Variants in ASCC3 observed in about 807,000 individuals in gnomAD.
The protein encoded by ASCC3 is ASC-1 complex subunit P200.
A neutral mutation model predicts 256.3 loss-of-function variants in ASCC3; 158 were observed. The ratio of observed to expected loss-of-function variants is 0.62; its 90% CI spans 0.54 to 0.70. The LOEUF (loss-of-function observed/expected upper bound fraction) is 0.70. Among genes scored for constraint, ASCC3 ranks in the 30% least tolerant of loss-of-function variants. The probability of loss-of-function intolerance (pLI) is 0.00; values close to 1 mark genes in which losing one functional copy is unlikely to be tolerated. For synonymous variants in ASCC3, 948 were observed against 883.4 expected (o/e 1.07, Z -1.30); for missense variants, 2,259 against 2,626.0 (o/e 0.86, Z 3.05).
At chr6:100,615,705 C>A (rs564719829) in intron 30 of ASCC3, among the ~76,000 whole-genome samples, 58 of 152,244 alleles carry the variant, frequency 3.8e-4, no homozygotes, top group Middle Eastern at 3.4e-3. Context: ...ATGCATGCTA[C>A]CAACTAAGGC....
intron 37 of ASCC3, 103 bp downstream of exon 37, chr6:100,540,060 C>T (rs1775369791): frequency 9.7e-7 from 1 of 1,026,654 alleles, no homozygotes; most frequent in South Asian, 1.3e-5. Context: ...ACAATGCTAC[C>T]ATAAAGTTGT....
chr6:100,621,476 CAT>C (rs1773948391), intron 30 of ASCC3, among the ~76,000 whole-genome samples: 4 of 152,118 alleles, frequency 2.6e-5, no homozygotes, highest in East Asian at 1.9e-4. Flanking sequence ...GGTCAACAAA[CAT>C]ATGAAAAAAG....
rs1286173375 is a variant in ASCC3 at position 100,725,586 on chromosome 6, C to G, written c.1855G>C (p.Asp619His). 6.2e-7 allele frequency: 1 copy of G among 1,612,844 alleles called. No individual in the cohort carries two copies. The highest frequency in any genetic ancestry group is 2.2e-5 in the East Asian group (1 of 44,818). ...ATGCTTTCTAATACTGGTCCTCTAT[C>G]TTCATGCAGCAAATGAACTTCATCA... ...ILDEVHLLHEDRGPVLESIVA... is the reference protein window; with the variant it reads ...ILDEVHLLHEHRGPVLESIVA... The change falls in exon 11 of 42, where the codon GAT becomes CAT. Residue 619 changes from aspartate to histidine, a missense_variant. Around this residue, in one of 2 missense-constraint regions of ASCC3, gnomAD observed 1,839 missense variants for 2,206.7 expected, o/e 0.83. Transcript: ENST00000369162.
intron 30 of ASCC3, among the ~76,000 whole-genome samples, chr6:100,608,061 C>T (rs1196012029): frequency 8.8e-5 from 1 of 11,416 alleles, no homozygotes; most frequent in Admixed American, 1.1e-3. Flanking sequence ...CATATATACA[C>T]ATATATATAC....
chr6:100,830,052 A>C (rs930290270), intron 4 of ASCC3, among the ~76,000 whole-genome samples: 1 of 152,070 alleles, frequency 6.6e-6, no homozygotes, highest in Non-Finnish European at 1.5e-5. Flanking sequence ...AAGACTACCC[A>C]CAACGGCATG....
At chr6:100,613,747 T>C (rs138341687) in intron 30 of ASCC3, among the ~76,000 whole-genome samples, 1 of 152,246 alleles carries the variant, frequency 6.6e-6, no homozygotes, top group East Asian at 1.9e-4. Flanking sequence ...TTCTGAGAAA[T>C]CTCCAGACTA....
intron 14 of ASCC3, 83 bp downstream of exon 14, chr6:100,679,535 G>C: frequency 6.3e-7 from 1 of 1,584,618 alleles, no homozygotes; most frequent in Non-Finnish European, 8.6e-7. Context: ...CTTGGAAATT[G>C]AGACCGTGGA....
chr6:100,826,028 C>T (rs1007361939), intron 4 of ASCC3, among the ~76,000 whole-genome samples: 1 of 151,984 alleles, frequency 6.6e-6, no homozygotes, highest in Admixed American at 6.6e-5. Flanking sequence ...ATGGTAATGA[C>T]AACAAAATGC....
chr6:100,625,251 T>C lies in ASCC3; in HGVS notation c.4726A>G (p.Ile1576Val). ...TCTTCTTCAGTAGCCAGGAAGGCGA[T>C]CAATTCCAAAGCAGTAAGACGAGTT... ...RQTRLTALELIAFLATEEDPK... is the reference protein window; with the variant it reads ...RQTRLTALELVAFLATEEDPK... Residue 1576 changes from isoleucine (I) to valine (V), a missense_variant, in exon 30 of 42, where the codon ATC (isoleucine) becomes GTC (valine). Physicochemically the swap from Ile to Val is conservative, Grantham distance 29. Around this residue, in one of 2 missense-constraint regions of ASCC3, gnomAD observed 1,839 missense variants for 2,206.7 expected, o/e 0.83. Coordinates refer to ENST00000369162, the MANE Select transcript of ASCC3 (RefSeq NM_006828.4). 6.2e-7 allele frequency: 1 copy of C among 1,613,072 alleles called. No homozygotes were observed. Among genetic ancestry groups the C allele is most frequent in the Admixed American group, 1.7e-5 (1 of 59,860 alleles).
chr6:100,706,997 A>G (rs960386092), intron 13 of ASCC3, among the ~76,000 whole-genome samples: 1 of 152,126 alleles, frequency 6.6e-6, no homozygotes, highest in Non-Finnish European at 1.5e-5. Flanking sequence ...GCAACACTAG[A>G]AGCAAATTTC....
intron 10 of ASCC3, among the ~76,000 whole-genome samples, chr6:100,760,910 G>A (rs1480372446): frequency 3.9e-5 from 6 of 152,158 alleles, no homozygotes; most frequent in African/African-American, 1.2e-4. Flanking sequence ...AAACATGACG[G>A]GTTGAAGAAA....
intron 13 of ASCC3, among the ~76,000 whole-genome samples, chr6:100,680,992 G>A (rs1434409436): frequency 6.6e-6 from 1 of 152,106 alleles, no homozygotes; most frequent in African/African-American, 2.4e-5. Flanking sequence ...AATGAGGTCT[G>A]GGATTTGACC....
At chr6:100,704,328 G>A (rs1025314981) in intron 13 of ASCC3, among the ~76,000 whole-genome samples, 6 of 151,806 alleles carry the variant, frequency 4.0e-5, no homozygotes, top group Admixed American at 6.6e-5. Flanking sequence ...AGTGGGAAGC[G>A]GAGTAAAGAA....
chr6:100,868,007 A>T lies in ASCC3; in HGVS notation c.-10T>A. 6.2e-7 allele frequency: 1 copy of T among 1,601,442 alleles called. No individual in the cohort carries two copies. Among genetic ancestry groups the T allele is most frequent in the Non-Finnish European group, 8.6e-7 (1 of 1,168,818 alleles). ...GACGAGGTAAAGCCATCTATTATTC[A>T]ATCAGTGATCCATACAGCAAGAAAC... On this transcript the variant is annotated 5_prime_UTR_variant, in exon 2 of 42. Coordinates refer to ENST00000369162, the MANE Select transcript of ASCC3 (RefSeq NM_006828.4).
chr6:100,833,761 G>A (rs911981803), intron 4 of ASCC3, among the ~76,000 whole-genome samples: 4 of 152,250 alleles, frequency 2.6e-5, no homozygotes, highest in East Asian at 1.9e-4. Flanking sequence ...GTGAAGGGCC[G>A]CAGTGAAAGG....
At chr6:100,601,708 G>T in intron 34 of ASCC3, 102 bp downstream of exon 34, 1 of 1,389,106 alleles carries the variant, frequency 7.2e-7, no homozygotes, top group African/African-American at 1.4e-5. Flanking sequence ...AATCTCCAAA[G>T]TTCTGCCTTT....
In ASCC3 at chr6:100,605,454, A is replaced by T. The variant is rs576526333; in HGVS notation, c.5177+114T>A. The T allele has an allele frequency of 5.7e-5, 43 of 749,038 alleles. No individual in the cohort carries two copies. In the African/African-American group the frequency reaches 6.4e-4, roughly 11 times the overall value. 46.4% of individuals were successfully genotyped at this position (749,038 alleles called of 1,614,324 possible). On this transcript the variant is annotated intron_variant, in intron 33 of 41. Coordinates refer to ENST00000369162, the MANE Select transcript of ASCC3 (RefSeq NM_006828.4). ...TGATAATTATATTGTTTCACATTAT[A>T]TTAAATTCTTCTAAGCTACCTGTTT...
chr6:100,591,777 C>T (rs1362344526), intron 34 of ASCC3, among the ~76,000 whole-genome samples: 3 of 151,852 alleles, frequency 2.0e-5, no homozygotes, highest in Non-Finnish European at 4.4e-5. Context: ...CGTTTGAAAA[C>T]TAATGGATCC....
At chr6:100,637,958 T>G (rs1276097749) in intron 25 of ASCC3, among the ~76,000 whole-genome samples, 1 of 152,194 alleles carries the variant, frequency 6.6e-6, no homozygotes, top group Admixed American at 6.5e-5. Context: ...TTTAGAATAT[T>G]ACATAAACTT....
Sources: gnomAD v4.1 joint callset for allele counts (sites outside exome capture counted in the v4.1 genomes callset) on GRCh38, gnomAD v4.1.1 for gene constraint, gnomAD v4.1.1 regional missense constraint, MANE v1.5 for transcripts, NCBI Gene and HGNC (gene_info 2026-07-23, HGNC 2026-07-21) for gene names.